MCF2L: variants seen among roughly 807,000 people sequenced by gnomAD.
The protein encoded by MCF2L is guanine nucleotide exchange factor DBS.
In MCF2L, 97 loss-of-function variants were observed where a neutral mutation model predicts 153.4. The observed-to-expected ratio is 0.63, with a 90% CI of 0.54 to 0.75. MCF2L has a LOEUF of 0.75. MCF2L is among the 30% of genes least tolerant of loss of function. The pLI is 0.00. For missense variants in MCF2L, 1,347 were observed against 1,495.2 expected, an observed-to-expected ratio of 0.90 and a Z score of 1.64; for synonymous variants, 659 against 632.2, an observed-to-expected ratio of 1.04 and a Z score of -0.64.
rs150350733 is a variant in MCF2L at position 113,067,007 on chromosome 13, G to A, written c.881+837G>A. ...ACGGCGCATCCTTGAGGGGCTCCTC[G>A]TAGATGGGGTGCCGTGACCCACGAG... On this transcript the variant is annotated intron_variant, in intron 8 of 29. Transcript: ENST00000535094. Among the ~76,000 whole-genome samples the A allele has an allele frequency of 3.1e-3, 474 of 152,362 alleles. 23 individuals carry two copies. In the East Asian group the frequency reaches 0.075, roughly 24 times the overall value.
rs1184157609 is a variant in MCF2L at position 112,902,200 on chromosome 13, C to T, written c.-3C>T. On this transcript the variant is annotated splice_region_variant and 5_prime_UTR_variant, in exon 2 of 30. Coordinates refer to the MCF2L transcript ENST00000375608. ...GCTTTTAAAATCTTTTTTCTGCAGC[C>T]TCATGTTTGACTGTTGGAGATTTAT... is the stretch of plus-strand genomic sequence containing the variant. 2.5e-6 allele frequency: 4 copies of T among 1,611,478 alleles called. No homozygotes were observed. The African/African-American group carries it at 4.0e-5, about 16-fold the overall frequency.
intron 2 of MCF2L, among the ~76,000 whole-genome samples, chr13:112,949,936 T>A (rs566168387): frequency 1.3e-5 from 2 of 150,788 alleles, no homozygotes; most frequent in South Asian, 4.2e-4. Context: ...TGGATTGGAA[T>A]GAAATAATTG....
At chr13:112,995,017 C>T (rs769036182) in intron 1 of MCF2L, among the ~76,000 whole-genome samples, 1 of 152,264 alleles carries the variant, frequency 6.6e-6, no homozygotes, top group Non-Finnish European at 1.5e-5. Flanking sequence ...GCGCCTCCCT[C>T]CATCCCCTCC....
At chr13:112,895,488 G>C (rs2081058328) in intron 1 of MCF2L, among the ~76,000 whole-genome samples, 1 of 152,124 alleles carries the variant, frequency 6.6e-6, no homozygotes, top group African/African-American at 2.4e-5. Context: ...GGCCAGGTGG[G>C]TGCTGGATGC....
chr13:113,089,753 T>A, intron 26 of MCF2L, 25 bp downstream of exon 26: 1 of 1,603,472 alleles, frequency 6.2e-7, no homozygotes, highest in Non-Finnish European at 8.5e-7. Flanking sequence ...GGACCGGGCC[T>A]CACACGGAGG....
chr13:113,018,517 G>C (rs1242099887), intron 2 of MCF2L, among the ~76,000 whole-genome samples: 1 of 152,186 alleles, frequency 6.6e-6, no homozygotes, highest in Non-Finnish European at 1.5e-5. Context: ...CTTACTGAAG[G>C]CTGAGGGTTG....
chr13:112,926,960 C>G (rs766819946), intron 2 of MCF2L, among the ~76,000 whole-genome samples: 2 of 152,166 alleles, frequency 1.3e-5, no homozygotes, highest in Non-Finnish European at 2.9e-5. Flanking sequence ...TCGATTTAGC[C>G]TTTCCACTGT....
In MCF2L at chr13:113,085,136, G is replaced by A. The variant is rs941783472; in HGVS notation, c.2205G>A (p.Leu735=). Residue 735 remains leucine (L), a synonymous_variant, in exon 20 of 30, where the codon CTG becomes CTA. Coordinates refer to ENST00000535094, the MANE Select transcript of MCF2L (RefSeq NM_001112732.3). ...AGCTGAGCCTGGACTCCTACCTGCT[G>A]AAGCCAGTGCAGAGGATCACCAAGT... ...DHKLSLDSYL[L]KPVQRITKYQ... is the part of the protein sequence containing the mutation. 6.2e-7 allele frequency: 1 copy of A among 1,613,550 alleles called. No individual in the cohort carries two copies. The highest frequency in any genetic ancestry group is 1.3e-5 in the African/African-American group (1 of 74,948).
At chr13:112,978,774 T>C (rs1014740689) in intron 1 of MCF2L, among the ~76,000 whole-genome samples, 1 of 152,266 alleles carries the variant, frequency 6.6e-6, no homozygotes, top group African/African-American at 2.4e-5. Flanking sequence ...CAAGCAGGCC[T>C]GAGCGCCAGC....
intron 26 of MCF2L, chr13:113,090,598 CG>C (rs1277221546): frequency 7.1e-6 from 7 of 985,322 alleles, no homozygotes; most frequent in Non-Finnish European, 8.4e-6. Context: ...GAGACGGAGA[CG>C]TCTAATGCCC....
chr13:112,992,195 G>A (rs745523611), intron 1 of MCF2L, among the ~76,000 whole-genome samples: 7 of 152,116 alleles, frequency 4.6e-5, no homozygotes, highest in Non-Finnish European at 1.0e-4. Flanking sequence ...GTTTAGACTC[G>A]GGTCACGTCC....
At chr13:112,936,905 A>G (rs2081520470) in intron 2 of MCF2L, among the ~76,000 whole-genome samples, 1 of 152,232 alleles carries the variant, frequency 6.6e-6, no homozygotes, top group South Asian at 2.1e-4. Flanking sequence ...AGACATAATC[A>G]TGAGAAAAAG....
intron 1 of MCF2L, among the ~76,000 whole-genome samples, chr13:112,999,824 G>T (rs1357843042): frequency 6.6e-6 from 1 of 152,246 alleles, no homozygotes; most frequent in Non-Finnish European, 1.5e-5. Context: ...GATAATGTAG[G>T]AGTTGTGCCT....
intron 2 of MCF2L, among the ~76,000 whole-genome samples, chr13:112,922,341 A>G (rs757418481): frequency 6.6e-6 from 1 of 152,240 alleles, no homozygotes; most frequent in Non-Finnish European, 1.5e-5. Context: ...TAAAGATCAT[A>G]CAATTTCAGT....
rs957604234 is a variant in MCF2L at position 113,035,771 on chromosome 13, T to G, written c.279-9500T>G. On this transcript the variant is annotated intron_variant, in intron 3 of 29. Transcript: ENST00000535094. The surrounding 1 kb of genome is among the most constrained non-coding windows in gnomAD (Gnocchi z 4.4). Reference sequence around the variant, plus strand: ...AGACCCCAGTGTTTACCAGGTAGGCTCTGGGCTCAGACCCCAGCGCCCCAC... The same window carrying G: ...AGACCCCAGTGTTTACCAGGTAGGCGCTGGGCTCAGACCCCAGCGCCCCAC... Among the ~76,000 whole-genome samples, 3 of 152,190 alleles carry G rather than the reference T, an allele frequency of 2.0e-5. No individual in the cohort carries two copies. Among genetic ancestry groups the G allele is most frequent in the Non-Finnish European group, 4.4e-5 (3 of 68,032 alleles).
Position 113,014,862 on chromosome 13 carries a change from T to A in MCF2L, c.163+16T>A. The A allele has an allele frequency of 1.2e-6, 2 of 1,610,368 alleles. No homozygotes were observed. Among genetic ancestry groups the A allele is most frequent in the Non-Finnish European group, 1.7e-6 (2 of 1,177,098 alleles). ...TACCTGTCCGGTGAGTTCCAGAAGC[T>A]GGGATGGGGTGGAGAGGGAGGGGTC... is the stretch of plus-strand genomic sequence containing the variant. On this transcript the variant is annotated intron_variant, in intron 2 of 29. Transcript: ENST00000535094.
At chr13:113,015,105 A>G (rs1337139419) in intron 2 of MCF2L, among the ~76,000 whole-genome samples, 2 of 152,100 alleles carry the variant, frequency 1.3e-5, no homozygotes, top group South Asian at 2.1e-4. Flanking sequence ...TGGCCTGGGC[A>G]CCCCTGACAG....
chr13:113,096,256 G>T, intron 27 of MCF2L, 115 bp from the exon 28 acceptor site: 1 of 789,908 alleles, frequency 1.3e-6, no homozygotes, highest in East Asian at 2.7e-5. Context: ...GCTGGTCGTG[G>T]CCAGGAGCTC....
intron 2 of MCF2L, among the ~76,000 whole-genome samples, 192 bp from the exon 3 acceptor site, chr13:113,024,452 T>C (rs1483068505): frequency 1.3e-5 from 2 of 152,254 alleles, no homozygotes; most frequent in African/African-American, 4.8e-5. Context: ...TAAATTCACA[T>C]CACTTTTGTG....
Sources: gnomAD v4.1 joint callset for allele counts (sites outside exome capture counted in the v4.1 genomes callset) on GRCh38, gnomAD v4.1.1 for gene constraint, Gnocchi (gnomAD v3.1) non-coding constraint, MANE v1.5 for transcripts, NCBI Gene and HGNC (gene_info 2026-07-23, HGNC 2026-07-21) for gene names.